The following TRDN variants were observed in gnomAD, a reference collection of about 807,000 sequenced individuals.
The protein encoded by TRDN is triadin in skeletal muscle.
Under a neutral mutation model 149.7 loss-of-function variants are expected in TRDN, and 161 were observed. The ratio of observed to expected loss-of-function variants is 1.08; its 90% CI spans 0.95 to 1.23. The LOEUF (loss-of-function observed/expected upper bound fraction) is 1.23, where lower values mean the gene tolerates loss of function less well. TRDN is among the 50% of genes most tolerant of loss of function. The pLI is 0.00. For missense variants in TRDN, 896 were observed against 823.5 expected (o/e 1.09, Z -1.08); for synonymous variants, 294 against 250.5 (o/e 1.17, Z -1.64).
chr6:123,551,342 T>TATATAC (rs1554256527), intron 2 of TRDN, among the ~76,000 whole-genome samples: 55 of 141,200 alleles, frequency 3.9e-4, no homozygotes, highest in East Asian at 2.8e-3. Context: ...AAAACCTAAA[T>TATATAC]ACACACACAC....
chr6:123,557,538 T>A (rs1045864040), intron 2 of TRDN, among the ~76,000 whole-genome samples: 2 of 152,070 alleles, frequency 1.3e-5, no homozygotes, highest in Non-Finnish European at 2.9e-5. Context: ...CCTTTTCTGG[T>A]AGAGACAAAG....
intron 1 of TRDN, among the ~76,000 whole-genome samples, chr6:123,624,170 G>A (rs965840309): frequency 1.3e-5 from 2 of 152,082 alleles, no homozygotes; most frequent in Non-Finnish European, 1.5e-5. Context: ...CACTCAGGGG[G>A]TCAGACTTTT....
intron 1 of TRDN, among the ~76,000 whole-genome samples, chr6:123,625,878 G>A (rs1372044401): frequency 6.6e-6 from 1 of 152,176 alleles, no homozygotes; most frequent in Non-Finnish European, 1.5e-5. Context: ...GGTGATGGTT[G>A]CTAAAGGTTG....
chr6:123,333,279 A>T (rs977876333), intron 22 of TRDN, among the ~76,000 whole-genome samples: 1 of 151,964 alleles, frequency 6.6e-6, no homozygotes, highest in African/African-American at 2.4e-5. Flanking sequence ...CAGCATGTTG[A>T]TCTAAATGGG....
intron 1 of TRDN, among the ~76,000 whole-genome samples, chr6:123,624,133 A>G (rs2114720351): frequency 6.6e-6 from 1 of 152,252 alleles, no homozygotes; most frequent in Admixed American, 6.5e-5. Context: ...AATATATACA[A>G]GTGATGTTTG....
intron 21 of TRDN, among the ~76,000 whole-genome samples, chr6:123,342,835 T>C (rs1438307760): frequency 6.6e-6 from 1 of 152,042 alleles, no homozygotes; most frequent in Admixed American, 6.6e-5. Flanking sequence ...ATCAATGTTC[T>C]TCATAACTGC....
intron 4 of TRDN, among the ~76,000 whole-genome samples, chr6:123,541,968 T>C (rs1780859100): frequency 6.6e-6 from 1 of 152,172 alleles, no homozygotes; most frequent in Non-Finnish European, 1.5e-5. Context: ...ATATTTATGA[T>C]GCTTAAATTT....
chr6:123,315,095 T>C (rs544354358), intron 24 of TRDN, among the ~76,000 whole-genome samples: 11 of 152,146 alleles, frequency 7.2e-5, no homozygotes, highest in Admixed American at 2.0e-4. Flanking sequence ...TTCTATTATA[T>C]ATCATCAGTA....
intron 1 of TRDN, among the ~76,000 whole-genome samples, chr6:123,587,814 G>T (rs1783582479): frequency 6.6e-6 from 1 of 151,910 alleles, no homozygotes; most frequent in Admixed American, 6.6e-5. Context: ...GGTACTCAGT[G>T]GGGGAGCTTT....
Position 123,235,407 on chromosome 6 carries a change from G to A in TRDN, c.1976-11276C>T, listed in dbSNP as rs551068917. On this transcript the variant is annotated intron_variant, in intron 38 of 40. Transcript: ENST00000334268. ...AGGATGGATTCCCACAAATGGTAAG[G>A]AACTGCTGGGAGTGGAATAAAAGTT... is the stretch of plus-strand genomic sequence containing the variant. Among the ~76,000 whole-genome samples the A allele has an allele frequency of 4.6e-5, 7 of 152,158 alleles. No homozygotes were observed. In the South Asian group the frequency reaches 1.5e-3, roughly 32 times the overall value.
chr6:123,312,518 T>C (rs1488975761), intron 24 of TRDN, among the ~76,000 whole-genome samples: 1 of 151,944 alleles, frequency 6.6e-6, no homozygotes, highest in African/African-American at 2.4e-5. Flanking sequence ...ACATACCAAA[T>C]AGTTGTGCAT....
At chr6:123,559,374 C>T (rs1025452079) in intron 2 of TRDN, among the ~76,000 whole-genome samples, 3 of 152,146 alleles carry the variant, frequency 2.0e-5, no homozygotes, top group Non-Finnish European at 2.9e-5. Flanking sequence ...CCCCACCTGC[C>T]CAGTTCCCTA....
intron 24 of TRDN, among the ~76,000 whole-genome samples, chr6:123,280,416 T>C (rs922785719): frequency 3.3e-5 from 5 of 152,144 alleles, no homozygotes; most frequent in Non-Finnish European, 5.9e-5. Flanking sequence ...ATTCTGGATC[T>C]TTTTCCATTC....
intron 7 of TRDN, 98 bp downstream of exon 7, chr6:123,512,205 T>A: frequency 4.5e-6 from 3 of 671,624 alleles, no homozygotes; most frequent in South Asian, 4.9e-5. Context: ...TTAATATAAA[T>A]GATAAAAGTT....
intron 39 of TRDN, among the ~76,000 whole-genome samples, chr6:123,222,720 C>CTT (rs145683948): frequency 1.1e-4 from 16 of 150,654 alleles, no homozygotes; most frequent in African/African-American, 3.6e-4. Flanking sequence ...AGAGAAAATA[C>CTT]TTTTTTTTTA....
chr6:123,478,510 G>A lies in TRDN; in HGVS notation c.854-13527C>T, dbSNP rs749747330. On this transcript the variant is annotated intron_variant, in intron 9 of 40. Coordinates refer to ENST00000334268, the MANE Select transcript of TRDN (RefSeq NM_006073.4). ...CAACTCCACAGAAAATCATATTTGC[G>A]TATAGGTAAGGAAAATGGGAGATGG... 5.3e-5 allele frequency among the ~76,000 whole-genome samples: 8 copies of A among 152,088 alleles called. No homozygotes were observed. In the East Asian group the frequency reaches 7.7e-4, roughly 15 times the overall value.
At chr6:123,589,321 T>C (rs1014152825) in intron 1 of TRDN, among the ~76,000 whole-genome samples, 1 of 152,224 alleles carries the variant, frequency 6.6e-6, no homozygotes, top group African/African-American at 2.4e-5. Context: ...ATTAATTTTC[T>C]AGTATTTTAT....
At chr6:123,244,638 C>T (rs892702023) in intron 38 of TRDN, among the ~76,000 whole-genome samples, 3 of 152,230 alleles carry the variant, frequency 2.0e-5, no homozygotes, top group South Asian at 4.1e-4. Flanking sequence ...TTTAAAGTGA[C>T]GGGGAGAATG....
intron 21 of TRDN, among the ~76,000 whole-genome samples, chr6:123,343,744 TA>T (rs896851451): frequency 2.0e-4 from 31 of 151,856 alleles, no homozygotes; most frequent in African/African-American, 5.8e-4. Flanking sequence ...AGTATAATAA[TA>T]AAAAAAATTA....
Sources: allele counts gnomAD v4.1 joint callset (sites outside exome capture counted in the v4.1 genomes callset), GRCh38; gene constraint gnomAD v4.1.1; transcripts MANE v1.5; gene names NCBI Gene and HGNC (gene_info 2026-07-23, HGNC 2026-07-21).